The following COPG2 variants were observed in gnomAD, a reference collection of about 807,000 sequenced individuals.
The protein encoded by COPG2 is coat protein complex I subunit gamma 2.
In COPG2, 37 loss-of-function variants were observed where a neutral mutation model predicts 46.3. The observed-to-expected ratio is 0.80, with a 90% confidence interval of 0.61 to 1.05. COPG2 has a LOEUF of 1.05. Among genes scored for constraint, COPG2 ranks in the 50% least tolerant of loss-of-function variants. The pLI, the probability that COPG2 is intolerant of heterozygous loss-of-function variation, is 0.00. For missense variants in COPG2, 427 were observed against 387.8 expected, an observed-to-expected ratio of 1.10 and a Z score of -0.85; for synonymous variants, 159 against 129.7, an observed-to-expected ratio of 1.23 and a Z score of -1.53.
At position 130,590,832 on chromosome 7, in the gene COPG2, C is replaced by T. The variant is rs587713773; in HGVS notation, c.737+20121G>A. ...GGGGAGCACCTCTGCCCTGCCCCCC[C>T]GTCTGGGATGTGAGGAGCGTCTCTG... On this transcript the variant is annotated intron_variant, in intron 9 of 23. Transcript: ENST00000425248. 8.6e-5 allele frequency among the ~76,000 whole-genome samples: 13 copies of T among 151,974 alleles called. No homozygotes were observed. In the South Asian group the frequency reaches 1.5e-3, roughly 17 times the overall value.
intron 5 of COPG2, among the ~76,000 whole-genome samples, chr7:130,628,498 T>C (rs1363895709): frequency 6.6e-6 from 1 of 152,204 alleles, no homozygotes; most frequent in African/African-American, 2.4e-5. Context: ...TGTGCAATTG[T>C]TCTAATATAT....
chr7:130,582,870 A>G (rs533512088), intron 9 of COPG2, among the ~76,000 whole-genome samples: 6,683 of 151,850 alleles, frequency 0.044, 221 homozygotes, highest in Middle Eastern at 0.1. Context: ...GAGGATGTGG[A>G]GAAATAGGAA....
At chr7:130,606,256 GAGAAAGAA>G (rs1554451224) in intron 9 of COPG2, among the ~76,000 whole-genome samples, 1 of 147,688 alleles carries the variant, frequency 6.8e-6, no homozygotes. Flanking sequence ...GAGAGAGAGA[GAGAAAGAA>G]AGAGAAAGAG....
intron 5 of COPG2, among the ~76,000 whole-genome samples, chr7:130,629,724 C>T (rs951179030): frequency 6.6e-6 from 1 of 151,936 alleles, no homozygotes; most frequent in Admixed American, 6.6e-5. Context: ...ATATGCTAGT[C>T]TGTTTGATAT....
chr7:130,582,138 C>G (rs1794158939), intron 9 of COPG2, among the ~76,000 whole-genome samples: 1 of 146,960 alleles, frequency 6.8e-6, no homozygotes, highest in African/African-American at 2.5e-5. Flanking sequence ...GGTACTGGTA[C>G]CAAAACAGAG....
At chr7:130,530,332 G>A (rs1427774728) in intron 20 of COPG2, among the ~76,000 whole-genome samples, 3 of 152,028 alleles carry the variant, frequency 2.0e-5, no homozygotes, top group African/African-American at 7.2e-5. Flanking sequence ...GAAGGAAGTG[G>A]CGGGACTGGC....
chr7:130,611,049 ATCT>A lies in COPG2; in HGVS notation c.638_640del (p.Lys213del). ...ACCAGATTTAGTAAACTTATTCAAC[ATCT>A]TGGAAACAGCAAGTCGATCATTCTT... is the stretch of plus-strand genomic sequence containing the variant. On this transcript the variant is annotated inframe_deletion, in exon 9 of 24. Transcript: ENST00000425248. 6.2e-7 allele frequency: 1 copy of A among 1,613,872 alleles called. No homozygotes were observed. The highest frequency in any genetic ancestry group is 8.5e-7 in the Non-Finnish European group (1 of 1,179,828).
At chr7:130,563,594 G>A (rs1204242142) in intron 10 of COPG2, among the ~76,000 whole-genome samples, 1 of 150,918 alleles carries the variant, frequency 6.6e-6, no homozygotes, top group Non-Finnish European at 1.5e-5. Flanking sequence ...CATGAAAAAT[G>A]TAACATCAAA....
chr7:130,572,639 G>A (rs954620694), intron 9 of COPG2, among the ~76,000 whole-genome samples: 13 of 151,950 alleles, frequency 8.6e-5, no homozygotes, highest in African/African-American at 3.1e-4. Flanking sequence ...GAAATCAAAT[G>A]GGAAATGAGA....
intron 5 of COPG2, chr7:130,645,439 A>T: frequency 2.5e-6 from 1 of 393,204 alleles, no homozygotes; most frequent in South Asian, 2.1e-5. Context: ...CCATGGGCGA[A>T]GATGATGTCT....
chr7:130,513,458 A>G (rs1799645148), intron 20 of COPG2, among the ~76,000 whole-genome samples: 2 of 148,988 alleles, frequency 1.3e-5, no homozygotes, highest in African/African-American at 5.0e-5. Context: ...GGCCAGAATG[A>G]GGAACACCAG....
At chr7:130,604,551 A>G (rs782524305) in intron 9 of COPG2, among the ~76,000 whole-genome samples, 1 of 152,238 alleles carries the variant, frequency 6.6e-6, no homozygotes, top group Non-Finnish European at 1.5e-5. Flanking sequence ...GTAAATTTAC[A>G]TATGAGCTCT....
At chr7:130,525,983 C>A (rs962347479) in intron 20 of COPG2, among the ~76,000 whole-genome samples, 1 of 151,952 alleles carries the variant, frequency 6.6e-6, no homozygotes, top group African/African-American at 2.4e-5. Flanking sequence ...GAATGGGTAA[C>A]GAAAGGGTAG....
intron 4 of COPG2, among the ~76,000 whole-genome samples, chr7:130,662,281 A>G (rs1289977789): frequency 1.3e-5 from 2 of 152,222 alleles, no homozygotes; most frequent in African/African-American, 2.4e-5. Flanking sequence ...CTCAAATCTC[A>G]AGAGGTTCTG....
intron 12 of COPG2, among the ~76,000 whole-genome samples, chr7:130,557,595 T>G (rs1793647884): frequency 6.6e-6 from 1 of 151,564 alleles, no homozygotes; most frequent in Non-Finnish European, 1.5e-5. Flanking sequence ...TCACCTGAGG[T>G]CAGGAGCTCG....
At chr7:130,561,906 A>T (rs1793727719) in intron 11 of COPG2, among the ~76,000 whole-genome samples, 1 of 152,214 alleles carries the variant, frequency 6.6e-6, no homozygotes, top group Non-Finnish European at 1.5e-5. Context: ...CAAAAATATT[A>T]ATGTTTTTTA....
intron 7 of COPG2, among the ~76,000 whole-genome samples, chr7:130,612,520 C>T (rs551945301): frequency 9.9e-4 from 150 of 152,178 alleles, no homozygotes; most frequent in African/African-American, 3.2e-3. Context: ...GTCAACAGAA[C>T]GGTGCTTAAA....
intron 5 of COPG2, among the ~76,000 whole-genome samples, chr7:130,646,349 C>G (rs960795159): frequency 2.6e-5 from 4 of 152,144 alleles, no homozygotes; most frequent in Non-Finnish European, 5.9e-5. Context: ...TTGTAAACTG[C>G]TGATTTCTTT....
chr7:130,657,498 T>A (rs1484176415), intron 4 of COPG2, among the ~76,000 whole-genome samples: 2 of 152,034 alleles, frequency 1.3e-5, no homozygotes, highest in African/African-American at 2.4e-5. Flanking sequence ...TGATATGACA[T>A]AAAAAGCATC....
Sources: allele counts gnomAD v4.1 joint callset (sites outside exome capture counted in the v4.1 genomes callset), GRCh38; gene constraint gnomAD v4.1.1; transcripts MANE v1.5; gene names NCBI Gene and HGNC (gene_info 2026-07-23, HGNC 2026-07-21).